The following PGCKA1 variants were observed in gnomAD, a reference collection of about 807,000 sequenced individuals.
PGCKA1 encodes the protein PDCD10 and GCKIII kinases associated 1.
At chr4:37,560,861 C>A in the PGCKA1 span, among the ~76,000 whole-genome samples, 67,627 of 151,312 alleles carry the variant, frequency 0.45, 16,179 homozygotes, top group South Asian at 0.54. Flanking sequence ...TTTCAACTAT[C>A]TTTTTCCTCC....
At chr4:37,572,219 C>T in the PGCKA1 span, among the ~76,000 whole-genome samples, 2 of 151,332 alleles carry the variant, frequency 1.3e-5, no homozygotes, top group Non-Finnish European at 2.9e-5. Context: ...CCCGCCACTA[C>T]GCCCGGCTAA....
the PGCKA1 span, among the ~76,000 whole-genome samples, chr4:37,490,804 C>T: frequency 1.3e-4 from 20 of 152,222 alleles, 2 homozygotes; most frequent in South Asian, 2.9e-3. Flanking sequence ...GGACTCTACT[C>T]CCAGTTACCA....
chr4:37,525,228 G>A, the PGCKA1 span, among the ~76,000 whole-genome samples: 1 of 152,184 alleles, frequency 6.6e-6, no homozygotes, highest in Non-Finnish European at 1.5e-5. Context: ...AACCTGGTAA[G>A]TAGGTATTGT....
chr4:37,511,061 TGTG>T, the PGCKA1 span, among the ~76,000 whole-genome samples: 5 of 151,882 alleles, frequency 3.3e-5, no homozygotes, highest in African/African-American at 1.2e-4. Context: ...TCAGTCAGCT[TGTG>T]GTGAGTGCTG....
chr4:37,524,294 G>T, the PGCKA1 span, among the ~76,000 whole-genome samples: 1 of 152,198 alleles, frequency 6.6e-6, no homozygotes, highest in African/African-American at 2.4e-5. Context: ...AGGAATTTGG[G>T]AGTGCCCTGG....
chr4:37,453,469 T>C, the PGCKA1 span, among the ~76,000 whole-genome samples: 2 of 151,966 alleles, frequency 1.3e-5, no homozygotes, highest in South Asian at 4.2e-4. Context: ...GGGCTGGCCA[T>C]GGAACTCACA....
chr4:37,527,642 A>AC, the PGCKA1 span, among the ~76,000 whole-genome samples: 1 of 148,938 alleles, frequency 6.7e-6, no homozygotes, highest in African/African-American at 2.5e-5. Context: ...ACACAGTGAA[A>AC]CCCCGTCTCT....
the PGCKA1 span, among the ~76,000 whole-genome samples, chr4:37,565,279 A>C: frequency 1.3e-5 from 2 of 152,186 alleles, no homozygotes; most frequent in African/African-American, 4.8e-5. Flanking sequence ...ATAACAAATA[A>C]TGGGCTTCTC....
chr4:37,570,146 A>ATTTTTTTTTTTTTTTTT, the PGCKA1 span, among the ~76,000 whole-genome samples: 3 of 78,932 alleles, frequency 3.8e-5, no homozygotes, highest in African/African-American at 1.7e-4. Context: ...CGCCTGGCTA[A>ATTTTTTTTTTTTTTTTT]TTTTTTTTTT....
the PGCKA1 span, among the ~76,000 whole-genome samples, chr4:37,553,796 C>T: frequency 2.6e-5 from 4 of 152,228 alleles, no homozygotes; most frequent in South Asian, 6.2e-4. Flanking sequence ...TTAAAACATG[C>T]AAGGTACCAC....
At chr4:37,551,143 A>G in the PGCKA1 span, among the ~76,000 whole-genome samples, 1 of 152,042 alleles carries the variant, frequency 6.6e-6, no homozygotes, top group Non-Finnish European at 1.5e-5. Context: ...CCAGTGGGTT[A>G]TACTGGATAT....
chr4:37,592,789 G>C, the PGCKA1 span, among the ~76,000 whole-genome samples: 1 of 152,204 alleles, frequency 6.6e-6, no homozygotes, highest in Non-Finnish European at 1.5e-5. Context: ...GATGATGTAA[G>C]TGTTTAGCAC....
At chr4:37,548,348 TA>T in the PGCKA1 span, among the ~76,000 whole-genome samples, 6 of 151,962 alleles carry the variant, frequency 3.9e-5, no homozygotes, top group East Asian at 1.9e-4. Context: ...ATTAAAAGGT[TA>T]AAAAAAAGTT....
chr4:37,576,192 C>T, the PGCKA1 span, among the ~76,000 whole-genome samples: 35 of 152,118 alleles, frequency 2.3e-4, no homozygotes, highest in Non-Finnish European at 4.1e-4. Flanking sequence ...GACATTTTAA[C>T]GATATTGATT....
chr4:37,466,184 A>G, the PGCKA1 span, among the ~76,000 whole-genome samples: 2 of 152,198 alleles, frequency 1.3e-5, no homozygotes, highest in South Asian at 2.1e-4. Flanking sequence ...AGTGGAAATA[A>G]TGAGGCTAGC....
the PGCKA1 span, among the ~76,000 whole-genome samples, chr4:37,592,225 AAAAG>A: frequency 6.6e-6 from 1 of 151,078 alleles, no homozygotes; most frequent in Non-Finnish European, 1.5e-5. Flanking sequence ...AAAAAAAAAA[AAAAG>A]AGCTAAGCTA....
chr4:37,457,864 A>C, the PGCKA1 span, among the ~76,000 whole-genome samples: 2 of 152,362 alleles, frequency 1.3e-5, no homozygotes, highest in Non-Finnish European at 2.9e-5. Context: ...CCTGGTCCAC[A>C]GCAAGATCTA....
chr4:37,527,036 C>T, the PGCKA1 span, among the ~76,000 whole-genome samples: 2 of 151,646 alleles, frequency 1.3e-5, no homozygotes, highest in African/African-American at 4.8e-5. Context: ...CCTGGCCGTG[C>T]GTAGGCCTAA....
At chr4:37,456,861 A>C in the PGCKA1 span, among the ~76,000 whole-genome samples, 1 of 152,250 alleles carries the variant, frequency 6.6e-6, no homozygotes, top group Non-Finnish European at 1.5e-5. Context: ...AATTTAAATT[A>C]GAGGAGAGAG....
Sources: allele counts gnomAD v4.1 joint callset (sites outside exome capture counted in the v4.1 genomes callset), GRCh38; gene constraint gnomAD v4.1.1; transcripts MANE v1.5; gene names NCBI Gene and HGNC (gene_info 2026-07-23, HGNC 2026-07-21).